CNIH4: variants seen among roughly 807,000 people sequenced by gnomAD.
The protein encoded by CNIH4 is cornichon family member 4.
CNIH4 carries 9 observed loss-of-function variants against 21.5 expected under a neutral mutation model. That is an observed-to-expected ratio of 0.42 (90% confidence interval 0.25 to 0.73). CNIH4 has a LOEUF of 0.73. Among genes scored for constraint, CNIH4 ranks in the 30% least tolerant of loss-of-function variants. The probability of loss-of-function intolerance (pLI) is 0.27; values close to 1 mark genes in which losing one functional copy is unlikely to be tolerated. For synonymous variants in CNIH4, 67 were observed against 59.1 expected, an observed-to-expected ratio of 1.13 and a Z score of -0.61; for missense variants, 159 against 170.0, an observed-to-expected ratio of 0.94 and a Z score of 0.36.
In CNIH4 at chr1:224,371,264, GTA is replaced by G; in HGVS notation, c.252-17_252-16del. ...TGATTTGATTATCCTTCTAATGTGTGTATCCTTTAATTTATCAGATACATTAT... is the reference window on the plus strand; with the variant it reads ...TGATTTGATTATCCTTCTAATGTGTGTCCTTTAATTTATCAGATACATTAT... On this transcript the variant is annotated splice_polypyrimidine_tract_variant and intron_variant, in intron 3 of 4. Transcript: ENST00000465271. 6.2e-7 allele frequency: 1 copy of G among 1,607,260 alleles called. No individual in the cohort carries two copies. The highest frequency in any genetic ancestry group is 8.5e-7 in the Non-Finnish European group (1 of 1,176,974).
At chr1:224,371,484 T>C in intron 4 of CNIH4, 61 bp downstream of exon 4, 1 of 1,497,264 alleles carries the variant, frequency 6.7e-7, no homozygotes, top group African/African-American at 1.4e-5. Flanking sequence ...GGTGAGATAT[T>C]ACTATACTAT....
chr1:224,371,134 G>T (rs1672612126), intron 3 of CNIH4, 149 bp from the exon 4 acceptor site: 1 of 735,820 alleles, frequency 1.4e-6, no homozygotes, highest in African/African-American at 1.8e-5. Flanking sequence ...GCCTTGGCCT[G>T]CCAAAGTGCT....
intron 3 of CNIH4, among the ~76,000 whole-genome samples, chr1:224,368,874 C>G (rs1672541731): frequency 6.6e-6 from 1 of 151,306 alleles, no homozygotes; most frequent in African/African-American, 2.4e-5. Flanking sequence ...GTTCCATTTT[C>G]TCTACATCCT....
intron 2 of CNIH4, among the ~76,000 whole-genome samples, chr1:224,361,210 G>A (rs909085206): frequency 2.0e-5 from 3 of 150,468 alleles, no homozygotes; most frequent in African/African-American, 7.4e-5. Context: ...CTGCCTCCCA[G>A]GTTCAAGCGT....
intron 1 of CNIH4, among the ~76,000 whole-genome samples, chr1:224,359,010 G>C (rs907196555): frequency 6.6e-6 from 1 of 152,202 alleles, no homozygotes; most frequent in East Asian, 1.9e-4. Flanking sequence ...AGGGGAAGAG[G>C]TGAATATTCC....
intron 1 of CNIH4, among the ~76,000 whole-genome samples, chr1:224,358,936 G>A (rs1404720279): frequency 6.6e-6 from 1 of 152,166 alleles, no homozygotes; most frequent in South Asian, 2.1e-4. Context: ...AAATGGTCAC[G>A]GTAGACTTAA....
chr1:224,363,917 A>G (rs975441160), intron 2 of CNIH4, among the ~76,000 whole-genome samples: 4 of 151,948 alleles, frequency 2.6e-5, no homozygotes, highest in Non-Finnish European at 4.4e-5. Flanking sequence ...TGTTTTTTCG[A>G]GTCATTTACT....
chr1:224,356,984 G>T lies in CNIH4; in HGVS notation c.60G>T (p.Ser20=), dbSNP rs1672133296. The T allele has an allele frequency of 6.2e-7, 1 of 1,611,552 alleles. No individual in the cohort carries two copies. Among genetic ancestry groups the T allele is most frequent in the Admixed American group, 1.7e-5 (1 of 59,678 alleles). Residue 20 remains serine, a synonymous_variant, in exon 1 of 5, where the codon TCG becomes TCT. Coordinates refer to ENST00000465271, the MANE Select transcript of CNIH4 (RefSeq NM_014184.4). ...ATTGTTGCGCGCTCATCTTCCTCTC[G>T]GTCTACTTCGTATCCTTGCCTGAGG... ...LLDCCALIFL[S]VYFIITLSDL... is the part of the protein sequence containing the mutation.
Position 224,376,675 on chromosome 1 carries a change from G to A in CNIH4, c.*853G>A, listed in dbSNP as rs12361. ...AATTGAGCCTTTTGGTGCGCCACGT[G>A]GTGCCAGATCAACACTTCTATCCCT... On this transcript the variant is annotated 3_prime_UTR_variant, in exon 5 of 5. Coordinates refer to ENST00000465271, the MANE Select transcript of CNIH4 (RefSeq NM_014184.4). 2 of 985,350 alleles carry A rather than the reference G, an allele frequency of 2.0e-6. No homozygotes were observed. Among genetic ancestry groups the A allele is most frequent in the Middle Eastern group, 5.2e-4 (1 of 1,914 alleles). 61.0% of individuals were successfully genotyped at this position (985,350 alleles called of 1,614,324 possible).
At chr1:224,369,831 C>T (rs929188405) in intron 3 of CNIH4, among the ~76,000 whole-genome samples, 1 of 151,926 alleles carries the variant, frequency 6.6e-6, no homozygotes, top group Non-Finnish European at 1.5e-5. Flanking sequence ...CATGCGCCAC[C>T]ACGCCTGGCT....
At position 224,376,109 on chromosome 1, in the gene CNIH4, TC is replaced by T; in HGVS notation, c.*290del. On this transcript the variant is annotated 3_prime_UTR_variant, in exon 5 of 5. Transcript: ENST00000465271. Reference sequence around the variant, plus strand: ...TTTGTATGTAGGAACAGGACTGCCATCCCAGCTTTGCATGCCAAAGAAATAA... The same window carrying T: ...TTTGTATGTAGGAACAGGACTGCCATCCAGCTTTGCATGCCAAAGAAATAA... 8.8e-7 allele frequency: 1 copy of T among 1,130,638 alleles called. No individual in the cohort carries two copies. The highest frequency in any genetic ancestry group is 1.1e-6 in the Non-Finnish European group (1 of 922,964). The allele number at this position is 1,130,638 out of a possible 1,614,324, so 70.0% of individuals were successfully genotyped here.
chr1:224,362,621 C>T (rs923966283), intron 2 of CNIH4, among the ~76,000 whole-genome samples: 3 of 151,446 alleles, frequency 2.0e-5, no homozygotes, highest in African/African-American at 7.3e-5. Flanking sequence ...TCCCGAGTAG[C>T]TGGGACTACA....
intron 4 of CNIH4, 31 bp from the exon 5 acceptor site, chr1:224,375,764 C>T: frequency 6.2e-7 from 1 of 1,613,376 alleles, no homozygotes; most frequent in Non-Finnish European, 8.5e-7. Context: ...CCTGAGAAAA[C>T]ATTAGTGACA....
intron 2 of CNIH4, chr1:224,364,043 A>G (rs1672378175): frequency 1.0e-6 from 1 of 985,316 alleles, no homozygotes; most frequent in Admixed American, 6.1e-5. Flanking sequence ...AAAACAGAGG[A>G]CTTGGTTGAA....
At chr1:224,360,273 G>A (rs1361766948) in intron 1 of CNIH4, among the ~76,000 whole-genome samples, 2 of 151,532 alleles carry the variant, frequency 1.3e-5, no homozygotes, top group Non-Finnish European at 2.9e-5. Context: ...AAATGTTCTG[G>A]TTGGGTCAGA....
chr1:224,374,871 A>G (rs557265601), intron 4 of CNIH4, among the ~76,000 whole-genome samples: 2 of 152,342 alleles, frequency 1.3e-5, no homozygotes, highest in East Asian at 1.9e-4. Context: ...AGCTGCTATC[A>G]TTAATTTTTA....
rs750040168 is a variant in CNIH4 at position 224,356,948 on chromosome 1, C to T, written c.24C>T (p.Phe8=). Residue 8 remains phenylalanine (F), a synonymous_variant, in exon 1 of 5, where the codon TTC becomes TTT. Transcript: ENST00000465271. ...GGATGGAGGCGGTGGTGTTCGTCTT[C>T]TCTCTCCTCGATTGTTGCGCGCTCA... MEAVVFV[F]SLLDCCALIF... is the part of the protein sequence containing the mutation. 6.2e-7 allele frequency: 1 copy of T among 1,612,118 alleles called. No homozygotes were observed. The highest frequency in any genetic ancestry group is 8.5e-7 in the Non-Finnish European group (1 of 1,179,178).
At position 224,360,633 on chromosome 1, in the gene CNIH4, A is replaced by G. The variant is rs931174039; in HGVS notation, c.138+70A>G. On this transcript the variant is annotated intron_variant, in intron 2 of 4. Coordinates refer to ENST00000465271, the MANE Select transcript of CNIH4 (RefSeq NM_014184.4). ...TTTTCCATACTTAAGATTATTATAG[A>G]TAACAGATGTATTTTTGATTTTAGA... 9.1e-5 allele frequency: 67 copies of G among 736,420 alleles called. 1 individual carries two copies. The highest frequency in any genetic ancestry group is 1.1e-4 in the Non-Finnish European group (54 of 474,998). The allele number at this position is 736,420 out of a possible 1,614,324, so 45.6% of individuals were successfully genotyped here. A position where few individuals can be genotyped will look rare whatever the true frequency, so the allele number is the denominator to read the frequency against.
rs61000820 is a variant in CNIH4, at chr1:224,378,183, T to C, written c.*2361T>C. The C allele has an allele frequency of 0.088, 13,444 of 152,242 alleles. 1,834 individuals carry two copies. Among genetic ancestry groups the C allele is most frequent in the African/African-American group, 0.29 (12,186 of 41,430 alleles). The allele number at this position is 152,242 out of a possible 1,614,324, so 9.4% of individuals were successfully genotyped here. A position where few individuals can be genotyped will look rare whatever the true frequency, so the allele number is the denominator to read the frequency against. On this transcript the variant is annotated 3_prime_UTR_variant, in exon 5 of 5. Transcript: ENST00000465271. ...AGTCCTCCTGCCTCAGCTTCCCAAG[T>C]AGTTGGGAGTAGGTGCACACCACCA...
Sources: allele counts gnomAD v4.1 joint callset (sites outside exome capture counted in the v4.1 genomes callset), GRCh38; gene constraint gnomAD v4.1.1; transcripts MANE v1.5; gene names NCBI Gene and HGNC (gene_info 2026-07-23, HGNC 2026-07-21).